UBOX5: variants seen among roughly 807,000 people sequenced by gnomAD.
UBOX5 encodes RING finger protein 37.
A neutral mutation model predicts 39.0 loss-of-function variants in UBOX5; 28 were observed. The observed-to-expected ratio is 0.72, with a 90% confidence interval of 0.53 to 0.98. UBOX5 has a LOEUF of 0.98. Among genes scored for constraint, UBOX5 ranks in the 50% least tolerant of loss-of-function variants. UBOX5 has a pLI of 0.00. For synonymous variants in UBOX5, 283 were observed against 275.5 expected (o/e 1.03, Z -0.27); for missense variants, 585 against 674.4 (o/e 0.87, Z 1.47).
At chr20:3,120,228 T>C (rs2066323460) in intron 3 of UBOX5, among the ~76,000 whole-genome samples, 1 of 149,956 alleles carries the variant, frequency 6.7e-6, no homozygotes, top group Non-Finnish European at 1.5e-5. Context: ...GCGTCTGTAA[T>C]CCCAGCTACT....
rs1324064464 is a variant in UBOX5 at position 3,108,424 on chromosome 20, A to T, written c.*1682T>A. ...TGCCCGGCCATGCTGGGGCTTTTCT[A>T]AGAACACAAGCACACCGGAGGGTAA... is the stretch of plus-strand genomic sequence containing the variant. On this transcript the variant is annotated 3_prime_UTR_variant, in exon 5 of 5. Coordinates refer to ENST00000217173, the MANE Select transcript of UBOX5 (RefSeq NM_014948.4). 6.6e-6 allele frequency: 1 copy of T among 152,292 alleles called. No individual in the cohort carries two copies. Among genetic ancestry groups the T allele is most frequent in the African/African-American group, 2.4e-5 (1 of 41,468 alleles). The allele number at this position is 152,292 out of a possible 1,614,324, so 9.4% of individuals were successfully genotyped here.
intron 1 of UBOX5, among the ~76,000 whole-genome samples, chr20:3,140,747 C>G (rs1336226865): frequency 6.6e-6 from 1 of 151,744 alleles, no homozygotes; most frequent in Non-Finnish European, 1.5e-5. Flanking sequence ...ATTCAGGAGA[C>G]ACATGTGCAG....
intron 1 of UBOX5, among the ~76,000 whole-genome samples, chr20:3,153,588 G>A (rs1485909762): frequency 7.2e-5 from 11 of 152,208 alleles, no homozygotes; most frequent in Non-Finnish European, 4.4e-5. Flanking sequence ...ATGGATGTCA[G>A]AAAACAGGTT....
At chr20:3,156,905 T>C (rs960841107) in intron 1 of UBOX5, 1 of 152,184 alleles carries the variant, frequency 6.6e-6, no homozygotes, top group African/African-American at 2.4e-5. Flanking sequence ...CACAAATAAA[T>C]GAACACTCCA....
chr20:3,126,371 G>A lies in UBOX5; in HGVS notation c.-41-2965C>T, dbSNP rs376670561. On this transcript the variant is annotated intron_variant, in intron 1 of 4. Coordinates refer to ENST00000217173, the MANE Select transcript of UBOX5 (RefSeq NM_014948.4). ...AAGTACCCAGGGACACAAACACTGCGGAAGGCCGCAGGGACCTCTGCCTAG... is the reference window on the plus strand; with the variant it reads ...AAGTACCCAGGGACACAAACACTGCAGAAGGCCGCAGGGACCTCTGCCTAG... 7.9e-5 allele frequency among the ~76,000 whole-genome samples: 12 copies of A among 152,016 alleles called. 1 individual carries two copies. The highest frequency in any genetic ancestry group is 1.6e-4 in the Non-Finnish European group (11 of 68,004).
At chr20:3,148,447 A>AT in intron 1 of UBOX5, 1 of 1,614,156 alleles carries the variant, frequency 6.2e-7, no homozygotes, top group Non-Finnish European at 8.5e-7. Flanking sequence ...CTTTCAAAAC[A>AT]TTGATCAGAT....
chr20:3,147,019 C>G, intron 1 of UBOX5: 4 of 1,614,202 alleles, frequency 2.5e-6, no homozygotes, highest in South Asian at 2.2e-5. Flanking sequence ...CTGCGGGGCA[C>G]AGGCCAGCCA....
chr20:3,112,879 T>C (rs1349079458), intron 4 of UBOX5, among the ~76,000 whole-genome samples: 1 of 151,928 alleles, frequency 6.6e-6, no homozygotes, highest in Non-Finnish European at 1.5e-5. Flanking sequence ...GACAGGAGGA[T>C]TGCTTGAACC....
intron 4 of UBOX5, among the ~76,000 whole-genome samples, chr20:3,110,993 C>T (rs539255399): frequency 7.0e-4 from 107 of 152,344 alleles, no homozygotes; most frequent in African/African-American, 2.5e-3. Flanking sequence ...CAGCCTGCAG[C>T]CCCCTCACTG....
At chr20:3,123,934 T>C (rs1378619923) in intron 1 of UBOX5, among the ~76,000 whole-genome samples, 1 of 152,152 alleles carries the variant, frequency 6.6e-6, no homozygotes, top group Non-Finnish European at 1.5e-5. Context: ...ATGCCTGTAA[T>C]CCCAACAATT....
chr20:3,154,852 G>T (rs943413415), intron 1 of UBOX5, among the ~76,000 whole-genome samples: 5 of 151,682 alleles, frequency 3.3e-5, no homozygotes, highest in Admixed American at 1.3e-4. Context: ...GTAGGGGGAG[G>T]TTGATGATAC....
At position 3,141,709 on chromosome 20, in the gene UBOX5, C is replaced by T. The variant is rs1184266119; in HGVS notation, c.-42+18057G>A. Among the ~76,000 whole-genome samples, 3 of 151,760 alleles carry T rather than the reference C, an allele frequency of 2.0e-5. No homozygotes were observed. In the East Asian group the frequency reaches 5.8e-4, roughly 29 times the overall value. ...CAACATGATAAAAGGTTTATAAAAA[C>T]CCCATAGTTAACATCATACTCAGCC... On this transcript the variant is annotated intron_variant, in intron 1 of 4. Transcript: ENST00000217173.
chr20:3,140,102 A>ACC (rs1336117431), intron 1 of UBOX5, among the ~76,000 whole-genome samples: 1 of 137,562 alleles, frequency 7.3e-6, no homozygotes, highest in East Asian at 2.2e-4. Flanking sequence ...GCTCACTGCA[A>ACC]CCTCCACCTC....
intron 4 of UBOX5, among the ~76,000 whole-genome samples, chr20:3,113,104 T>A: frequency 7.2e-6 from 1 of 139,442 alleles, no homozygotes. Flanking sequence ...CGAAACGCTG[T>A]CTCTACTAAA....
intron 1 of UBOX5, among the ~76,000 whole-genome samples, chr20:3,127,653 C>A (rs562366147): frequency 6.6e-6 from 1 of 152,074 alleles, no homozygotes; most frequent in South Asian, 2.1e-4. Flanking sequence ...TGCGCTCCTG[C>A]GTGATGGTAA....
At chr20:3,156,352 A>G (rs1321705924) in intron 1 of UBOX5, among the ~76,000 whole-genome samples, 1 of 151,614 alleles carries the variant, frequency 6.6e-6, no homozygotes, top group Non-Finnish European at 1.5e-5. Context: ...ATTTTTTTGT[A>G]TTTTTTGGTA....
chr20:3,149,126 C>T lies in UBOX5; in HGVS notation c.-42+10640G>A. ...CAGAATACAGTCCTCACAGATTTGACCAGGCAATTTCTTGTTTATATGGTG... is the reference window on the plus strand; with the variant it reads ...CAGAATACAGTCCTCACAGATTTGATCAGGCAATTTCTTGTTTATATGGTG... On this transcript the variant is annotated intron_variant, in intron 1 of 4. Coordinates refer to ENST00000217173, the MANE Select transcript of UBOX5 (RefSeq NM_014948.4). This position sits in a 1 kb window ranked among gnomAD's most constrained non-coding sequence, Gnocchi z 4.1. 4 of 1,536,104 alleles carry T rather than the reference C, an allele frequency of 2.6e-6. No individual in the cohort carries two copies. Among genetic ancestry groups the T allele is most frequent in the African/African-American group, 1.4e-5 (1 of 72,440 alleles).
chr20:3,117,932 C>T (rs1421458632), intron 3 of UBOX5, among the ~76,000 whole-genome samples: 1 of 151,936 alleles, frequency 6.6e-6, no homozygotes, highest in Non-Finnish European at 1.5e-5. Context: ...GCGGAGGTTG[C>T]AGTGAGCAGA....
intron 1 of UBOX5, among the ~76,000 whole-genome samples, chr20:3,153,854 A>C (rs2066657229): frequency 6.6e-6 from 1 of 152,204 alleles, no homozygotes; most frequent in African/African-American, 2.4e-5. Flanking sequence ...GAGCATTCCA[A>C]ATTCAAAAAT....
Sources: gnomAD v4.1 joint callset for allele counts (sites outside exome capture counted in the v4.1 genomes callset) on GRCh38, gnomAD v4.1.1 for gene constraint, Gnocchi (gnomAD v3.1) non-coding constraint, MANE v1.5 for transcripts, NCBI Gene and HGNC (gene_info 2026-07-23, HGNC 2026-07-21) for gene names.